The following PLXNB2 variants were observed in gnomAD, a reference collection of about 807,000 sequenced individuals.
PLXNB2 encodes plexin B2, also known as plexin-B2.
In PLXNB2, 85 loss-of-function variants were observed where a neutral mutation model predicts 202.6. The ratio of observed to expected loss-of-function variants is 0.42; its 90% CI spans 0.35 to 0.50. PLXNB2 has a LOEUF of 0.50. Ranked by LOEUF, PLXNB2 falls within the 20% of genes least tolerant of loss-of-function variation. The probability of loss-of-function intolerance (pLI) is 0.02; values close to 1 mark genes in which losing one functional copy is unlikely to be tolerated. For synonymous variants in PLXNB2, 1,239 were observed against 1,137.6 expected (o/e 1.09, Z -1.79); for missense variants, 2,063 against 2,586.2 (o/e 0.80, Z 4.39).
intron 1 of PLXNB2, among the ~76,000 whole-genome samples, chr22:50,298,339 C>T (rs2067424327): frequency 6.6e-6 from 1 of 152,338 alleles, no homozygotes; most frequent in Non-Finnish European, 1.5e-5. Context: ...GCTGGCTGGG[C>T]ACCTGTGGCC....
rs201496252 is a variant in PLXNB2 at position 50,276,594 on chromosome 22, G to A, written c.5337+35C>T. ...CTCAGCATGGGGTAGTGGGAGCGGG[G>A]AGGGCTGTGGGTGCGTCCCTGGTGG... is the stretch of plus-strand genomic sequence containing the variant. On this transcript the variant is annotated intron_variant, in intron 35 of 36. Coordinates refer to ENST00000359337, the MANE Select transcript of PLXNB2 (RefSeq NM_012401.4). 5.2e-3 allele frequency: 8,037 copies of A among 1,533,462 alleles called. 41 individuals carry two copies. The highest frequency in any genetic ancestry group is 6.5e-3 in the Non-Finnish European group (7,163 of 1,108,442). 95.0% of individuals were successfully genotyped at this position (1,533,462 alleles called of 1,614,324 possible). A position where few individuals can be genotyped will look rare whatever the true frequency, so the allele number is the denominator to read the frequency against.
intron 35 of PLXNB2, 122 bp from the exon 36 acceptor site, chr22:50,276,085 G>A: frequency 1.1e-6 from 1 of 919,434 alleles, no homozygotes; most frequent in Non-Finnish European, 1.7e-6. Context: ...CTTGGGCACA[G>A]CTGGCACTTG....
intron 2 of PLXNB2, among the ~76,000 whole-genome samples, chr22:50,293,801 C>T (rs1049830899): frequency 3.3e-5 from 5 of 152,342 alleles, no homozygotes; most frequent in South Asian, 2.1e-4. Context: ...CTCACCCACC[C>T]GCCAGGGCTG....
intron 1 of PLXNB2, among the ~76,000 whole-genome samples, chr22:50,295,148 G>A (rs547131453): frequency 2.6e-5 from 4 of 152,052 alleles, no homozygotes; most frequent in East Asian, 3.9e-4. Context: ...GTGAAACCCC[G>A]TCTCTACTAA....
Position 50,281,450 on chromosome 22 carries a change from G to A in PLXNB2, c.3572C>T (p.Thr1191Ile), listed in dbSNP as rs1345961455. Reference sequence around the variant, plus strand: ...GCTGAGCGGCACGTCGCTCACCCGTGTGTCGTACTCCACGCGGCCCAGCAC... The same window carrying A: ...GCTGAGCGGCACGTCGCTCACCCGTATGTCGTACTCCACGCGGCCCAGCAC... ...EWVLGRVEYD[T>I]RVSDVPLSLI... The change falls in exon 22 of 37, where the codon ACA becomes ATA. Residue 1191 changes from threonine to isoleucine, a missense_variant. By Grantham distance (89) the Thr-to-Ile change is moderately conservative (BLOSUM62 -1). Around this residue, in one of 2 missense-constraint regions of PLXNB2, gnomAD observed 760 missense variants for 1,109.4 expected, o/e 0.69. Transcript: ENST00000359337. 1 of 1,612,520 alleles carries A rather than the reference G, an allele frequency of 6.2e-7. No homozygotes were observed. Among genetic ancestry groups the A allele is most frequent in the Non-Finnish European group, 8.5e-7 (1 of 1,179,818 alleles).
intron 30 of PLXNB2, 62 bp downstream of exon 30, chr22:50,278,373 C>T (rs2065760232): frequency 6.4e-7 from 1 of 1,559,796 alleles, no homozygotes; most frequent in Non-Finnish European, 8.8e-7. Flanking sequence ...GTGTCCAGGG[C>T]AGACATGGTC....
At chr22:50,307,025 T>C (rs142137592) in intron 1 of PLXNB2, among the ~76,000 whole-genome samples, 3,211 of 151,832 alleles carry the variant, frequency 0.021, 128 homozygotes, top group African/African-American at 0.073. Flanking sequence ...TCTCGGGGTG[T>C]CCACCCAGAC....
At position 50,281,745 on chromosome 22, in the gene PLXNB2, G is replaced by A. The variant is rs762143771; in HGVS notation, c.3346-3C>T. On this transcript the variant is annotated splice_region_variant and splice_polypyrimidine_tract_variant and intron_variant, in intron 20 of 36. Coordinates refer to ENST00000359337, the MANE Select transcript of PLXNB2 (RefSeq NM_012401.4). ...ATCGCCTTGTTCAGATTGGTGCCCT[G>A]GGGAGGCGGCAGTGGTCGGGGTGAG... 47 of 1,559,852 alleles carry A rather than the reference G, an allele frequency of 3.0e-5. No individual in the cohort carries two copies. The African/African-American group carries it at 3.8e-4, about 13-fold the overall frequency.
chr22:50,276,335 G>A (rs1008820029), intron 35 of PLXNB2, among the ~76,000 whole-genome samples: 36 of 147,798 alleles, frequency 2.4e-4, no homozygotes, highest in Non-Finnish European at 4.5e-4. Flanking sequence ...GGGAGGGGGC[G>A]CTGTGGGCAC....
At position 50,284,135 on chromosome 22, in the gene PLXNB2, G is replaced by A. The variant is rs773637239; in HGVS notation, c.2260C>T (p.His754Tyr). The change falls in exon 13 of 37, where the codon CAT (histidine) becomes TAT (tyrosine). Residue 754 changes from histidine (H) to tyrosine (Y), a missense_variant. Physicochemically the swap from His to Tyr is moderately conservative, Grantham distance 83. Coordinates refer to ENST00000359337, the MANE Select transcript of PLXNB2 (RefSeq NM_012401.4). This position sits in a 1 kb window ranked among gnomAD's most constrained non-coding sequence, Gnocchi z 8.0. ...SYGKNIDSKL[H>Y]VTLYNCSFGR... ...CCACTGCGCCCGTGGCCCCCACCAT[G>A]GAGCTTGCTGTCGATATTCTTGCCG... 1 of 1,610,176 alleles carries A rather than the reference G, an allele frequency of 6.2e-7. No homozygotes were observed. Among genetic ancestry groups the A allele is most frequent in the South Asian group, 1.1e-5 (1 of 90,986 alleles).
chr22:50,290,506 A>G lies in PLXNB2; in HGVS notation c.79T>C (p.Phe27Leu). The G allele has an allele frequency of 6.2e-7, 1 of 1,612,718 alleles. No individual in the cohort carries two copies. The highest frequency in any genetic ancestry group is 8.5e-7 in the Non-Finnish European group (1 of 1,179,978). Residue 27 changes from phenylalanine (F) to leucine (L), a missense_variant, in exon 3 of 37, where the codon TTC (phenylalanine) becomes CTC (leucine). Physicochemically the swap from Phe to Leu is conservative, Grantham distance 22. Coordinates refer to ENST00000359337, the MANE Select transcript of PLXNB2 (RefSeq NM_012401.4). ...GASLRPRKLD[F>L]FRSEKELNHL... is the part of the protein sequence containing the mutation. ...TTCAGCTCTTTCTCGCTGCGGAAGA[A>G]GTCCAGCTTGCGGGGCCTCAGGCTG... is the stretch of plus-strand genomic sequence containing the variant.
intron 1 of PLXNB2, among the ~76,000 whole-genome samples, chr22:50,296,423 T>C (rs981496064): frequency 2.1e-5 from 3 of 145,820 alleles, no homozygotes; most frequent in Non-Finnish European, 4.4e-5. Flanking sequence ...AAGTTTAAGA[T>C]TATATTTACA....
chr22:50,295,056 C>A (rs1053543865), intron 1 of PLXNB2, among the ~76,000 whole-genome samples: 1 of 152,168 alleles, frequency 6.6e-6, no homozygotes, highest in African/African-American at 2.4e-5. Flanking sequence ...TGCGGTGGCT[C>A]CCGCCTGTAA....
chr22:50,286,396 T>A, intron 8 of PLXNB2, 109 bp from the exon 9 acceptor site: 1 of 726,872 alleles, frequency 1.4e-6, no homozygotes, highest in Non-Finnish European at 2.4e-6. Context: ...CCCCTGGTCT[T>A]CAGGGGGCCC....
chr22:50,306,157 C>T (rs1444883578), intron 1 of PLXNB2, among the ~76,000 whole-genome samples: 1 of 152,192 alleles, frequency 6.6e-6, no homozygotes, highest in African/African-American at 2.4e-5. Context: ...GACTCACATT[C>T]CAAACCCTTG....
intron 2 of PLXNB2, among the ~76,000 whole-genome samples, chr22:50,292,286 C>T (rs993611536): frequency 5.0e-5 from 7 of 138,812 alleles, no homozygotes; most frequent in Non-Finnish European, 9.0e-5. Flanking sequence ...TGCAGCGAGC[C>T]AAGATTGCAC....
At position 50,284,264 on chromosome 22, in the gene PLXNB2, T is replaced by G; in HGVS notation, c.2182-51A>C. The stretch of plus-strand genomic sequence containing the variant: ...CACTTCCTGCCCCCACAGAGGGGCG[T>G]GGGGCGGGGGTCACAAGGGCAGCCT... On this transcript the variant is annotated intron_variant, in intron 12 of 36. Coordinates refer to ENST00000359337, the MANE Select transcript of PLXNB2 (RefSeq NM_012401.4). The surrounding 1 kb of genome is among the most constrained non-coding windows in gnomAD (Gnocchi z 8.0). The G allele has an allele frequency of 6.6e-7, 1 of 1,525,480 alleles. No homozygotes were observed. Among genetic ancestry groups the G allele is most frequent in the Non-Finnish European group, 9.1e-7 (1 of 1,101,862 alleles). 94.5% of individuals were successfully genotyped at this position (1,525,480 alleles called of 1,614,324 possible).
rs370462169 is a variant in PLXNB2, at chr22:50,279,692, T to A, written c.4327A>T (p.Lys1443Ter). Residue 1443 changes from lysine to a stop codon, truncating the protein, a stop_gained, in exon 27 of 37, where the codon AAG (lysine) becomes TAG (stop). Transcript: ENST00000359337. LOFTEE classifies it high-confidence loss of function. ...EKGPVDAVQK[K>*]AKYTLNDTGL... ...GTGTCGTTGAGAGTGTACTTGGCCT[T>A]CTTCTGTACCGCATCCACCGGGCCC... 6.2e-7 allele frequency: 1 copy of A among 1,613,968 alleles called. No homozygotes were observed. Among genetic ancestry groups the A allele is most frequent in the Non-Finnish European group, 8.5e-7 (1 of 1,179,956 alleles).
rs2066270770 is a variant in PLXNB2 at position 50,284,472 on chromosome 22, G to A, written c.2181+101C>T. 1 of 923,430 alleles carries A rather than the reference G, an allele frequency of 1.1e-6. No individual in the cohort carries two copies. Among genetic ancestry groups the A allele is most frequent in the Admixed American group, 2.1e-5 (1 of 47,220 alleles). 57.2% of individuals were successfully genotyped at this position (923,430 alleles called of 1,614,324 possible). On this transcript the variant is annotated intron_variant, in intron 12 of 36. Transcript: ENST00000359337. This position sits in a 1 kb window ranked among gnomAD's most constrained non-coding sequence, Gnocchi z 8.0. ...CCCTGGCTGGGCTCTGGTCCCTGGG[G>A]TCTCCCTGCTGCCCCTCCCCTCACA...
Sources: gnomAD v4.1 joint callset for allele counts (sites outside exome capture counted in the v4.1 genomes callset) on GRCh38, gnomAD v4.1.1 for gene constraint, gnomAD v4.1.1 regional missense constraint, Gnocchi (gnomAD v3.1) non-coding constraint, MANE v1.5 for transcripts, NCBI Gene and HGNC (gene_info 2026-07-23, HGNC 2026-07-21) for gene names.